CTPS2: variants seen among roughly 807,000 people sequenced by gnomAD.
CTPS2 encodes CTP synthase II.
CTPS2 carries 19 observed loss-of-function variants against 46.8 expected under a neutral mutation model. That is an observed-to-expected ratio of 0.41 (90% CI 0.28 to 0.60). The LOEUF (loss-of-function observed/expected upper bound fraction) is 0.60. Among genes scored for constraint, CTPS2 ranks in the 20% least tolerant of loss-of-function variants. The pLI is 0.35. For missense variants in CTPS2, 286 were observed against 447.6 expected (o/e 0.64, Z 3.26); for synonymous variants, 151 against 165.2 (o/e 0.91, Z 0.66).
intron 15 of CTPS2, among the ~76,000 whole-genome samples, chrX:16,619,009 G>A (rs139872577): frequency 0.018 from 2,044 of 111,763 alleles, 47 homozygotes; most frequent in African/African-American, 0.063. Context: ...TATTGCGTAC[G>A]TACCAGTTCT....
Position 16,658,420 on chromosome X carries a change from C to T in CTPS2, c.1296+9094G>A, listed in dbSNP as rs755088087. Among the ~76,000 whole-genome samples, 5 of 112,214 alleles carry T rather than the reference C, an allele frequency of 4.5e-5. No homozygotes were observed. In the South Asian group the frequency reaches 1.5e-3, roughly 34 times the overall value. On this transcript the variant is annotated intron_variant, in intron 13 of 18. Transcript: ENST00000359276. Reference sequence around the variant, plus strand: ...TCTTAACTATTTCCCCATTGTGGGGCATTTAGATTGCTGTCATTTCCGATT... The same window carrying T: ...TCTTAACTATTTCCCCATTGTGGGGTATTTAGATTGCTGTCATTTCCGATT...
chrX:16,660,641 C>T (rs757234708), intron 13 of CTPS2, among the ~76,000 whole-genome samples: 99 of 110,740 alleles, frequency 8.9e-4, no homozygotes, highest in African/African-American at 3.2e-3. Flanking sequence ...ACCTCGTGAT[C>T]CACCTGCCTC....
chrX:16,646,358 T>C (rs1280105130), intron 13 of CTPS2, among the ~76,000 whole-genome samples: 2 of 112,282 alleles, frequency 1.8e-5, no homozygotes, highest in Non-Finnish European at 3.8e-5. Flanking sequence ...ATCCACTTCA[T>C]AAAGTTGCAG....
chrX:16,700,396 C>T (rs1463684094), intron 2 of CTPS2, among the ~76,000 whole-genome samples: 1 of 108,413 alleles, frequency 9.2e-6, no homozygotes, highest in Non-Finnish European at 1.9e-5. Flanking sequence ...CGATTACAGG[C>T]GTGAGCCACC....
chrX:16,595,703 G>C lies in CTPS2; in HGVS notation c.1692-4841C>G, dbSNP rs758419520. Among the ~76,000 whole-genome samples, 5 of 112,206 alleles carry C rather than the reference G, an allele frequency of 4.5e-5. No homozygotes were observed. The South Asian group carries it at 1.9e-3, about 42-fold the overall frequency. ...CATTTGCACCTGTCACACTTCAAGT[G>C]CTCAGTAGCCATGTGCGCCTAGTGC... On this transcript the variant is annotated intron_variant, in intron 17 of 18. Transcript: ENST00000359276.
chrX:16,711,796 G>A (rs1351537396), intron 1 of CTPS2: 1 of 111,563 alleles, frequency 9.0e-6, no homozygotes, highest in Non-Finnish European at 1.9e-5. Flanking sequence ...CTATTCTGTA[G>A]CAGCAGCGTA....
chrX:16,601,571 T>G (rs1929662774), intron 17 of CTPS2, among the ~76,000 whole-genome samples: 1 of 7,353 alleles, frequency 1.4e-4, no homozygotes, highest in South Asian at 0.029. Flanking sequence ...AGGGAAGCCA[T>G]CGGGGGGGGG....
At chrX:16,647,717 T>C (rs1393373405) in intron 13 of CTPS2, among the ~76,000 whole-genome samples, 2 of 111,537 alleles carry the variant, frequency 1.8e-5, no homozygotes, top group Non-Finnish European at 3.8e-5. Context: ...GGGTGTATTA[T>C]ATAGAACATG....
chrX:16,670,480 C>T (rs963988276), intron 11 of CTPS2, 100 bp downstream of exon 11: 7 of 597,387 alleles, frequency 1.2e-5, no homozygotes, highest in African/African-American at 4.6e-5. Context: ...CTTTCAAATC[C>T]GAGTTCACAC....
chrX:16,615,310 G>A (rs1490959420), intron 16 of CTPS2, among the ~76,000 whole-genome samples: 1 of 111,570 alleles, frequency 9.0e-6, no homozygotes, highest in East Asian at 2.8e-4. Context: ...CTGCACTCCA[G>A]CCTGGGTGAC....
Position 16,702,799 on chromosome X carries a change from G to C in CTPS2, c.104C>G (p.Thr35Ser). 4.1e-6 allele frequency: 5 copies of C among 1,209,805 alleles called. No individual in the cohort carries two copies. Among genetic ancestry groups the C allele is most frequent in the Non-Finnish European group, 5.6e-6 (5 of 894,241 alleles). The change falls in exon 2 of 19, where the codon ACT becomes AGT. Residue 35 changes from threonine to serine, a missense_variant. Physicochemically the swap from Thr to Ser is moderately conservative, Grantham distance 58 (BLOSUM62 1). Coordinates refer to ENST00000359276, the MANE Select transcript of CTPS2 (RefSeq NM_175859.3). The stretch of plus-strand genomic sequence containing the variant: ...AATATAGGGGTCGATTTTTATGGCA[G>C]TAACTCGGAGTCCACATGATTTTAG... ...TILKSCGLRV[T>S]AIKIDPYINI...
At chrX:16,667,595 G>T (rs1350952941) in intron 12 of CTPS2, 38 bp from the exon 13 acceptor site, 1 of 1,203,102 alleles carries the variant, frequency 8.3e-7, no homozygotes, top group Admixed American at 2.2e-5. Flanking sequence ...TTCACCAATA[G>T]TGCTGAAAAA....
At position 16,636,894 on chromosome X, in the gene CTPS2, G is replaced by A. The variant is rs1194235586; in HGVS notation, c.1393+2253C>T. ...ATTTCGCCACTGCACTCCAGCCTGG[G>A]CGACAGAGCCAGACTCCGTCTCAAA... On this transcript the variant is annotated intron_variant, in intron 14 of 18. Coordinates refer to ENST00000359276, the MANE Select transcript of CTPS2 (RefSeq NM_175859.3). 2.7e-5 allele frequency among the ~76,000 whole-genome samples: 3 copies of A among 110,567 alleles called. No individual in the cohort carries two copies. In the South Asian group the frequency reaches 1.2e-3, roughly 43 times the overall value.
chrX:16,626,973 T>C (rs1931190347), intron 14 of CTPS2: 1 of 113,968 alleles, frequency 8.8e-6, no homozygotes, highest in Non-Finnish European at 1.9e-5. Flanking sequence ...TATCTCCTAT[T>C]TCCAGGGGGC....
At chrX:16,703,904 T>G (rs1924779828) in intron 1 of CTPS2, among the ~76,000 whole-genome samples, 1 of 110,139 alleles carries the variant, frequency 9.1e-6, no homozygotes, top group Non-Finnish European at 1.9e-5. Context: ...GTCAGACTGA[T>G]CTGTACAAAC....
intron 10 of CTPS2, among the ~76,000 whole-genome samples, chrX:16,676,523 C>G (rs1395261761): frequency 8.9e-6 from 1 of 112,287 alleles, no homozygotes; most frequent in Non-Finnish European, 1.9e-5. Flanking sequence ...AATAATTATT[C>G]TTGCTGCACT....
chrX:16,650,102 T>A (rs112264277), intron 13 of CTPS2: 3 of 111,658 alleles, frequency 2.7e-5, no homozygotes, highest in African/African-American at 6.5e-5. Flanking sequence ...ATTTTCATAA[T>A]CAGGGTGGCG....
chrX:16,706,540 A>G (rs993094452), intron 1 of CTPS2, among the ~76,000 whole-genome samples: 17 of 111,413 alleles, frequency 1.5e-4, no homozygotes, highest in Admixed American at 5.8e-4. Flanking sequence ...CCTGGCCAAC[A>G]TGATGAAACC....
chrX:16,605,901 T>G (rs975333473), intron 17 of CTPS2, among the ~76,000 whole-genome samples: 1 of 112,632 alleles, frequency 8.9e-6, no homozygotes. Context: ...GAAGCTATTG[T>G]GCCCTTGAAC....
Sources: allele counts gnomAD v4.1 joint callset (sites outside exome capture counted in the v4.1 genomes callset), GRCh38; gene constraint gnomAD v4.1.1; transcripts MANE v1.5; gene names NCBI Gene and HGNC (gene_info 2026-07-23, HGNC 2026-07-21).